The following STK40 variants were observed in gnomAD, a reference collection of about 807,000 sequenced individuals.
STK40 encodes the protein serine/threonine kinase 40.
In STK40, 13 loss-of-function variants were observed where a neutral mutation model predicts 47.9. That is an observed-to-expected ratio of 0.27 (90% CI 0.18 to 0.43). The LOEUF is 0.43. Ranked by LOEUF, STK40 falls within the 20% of genes least tolerant of loss-of-function variation. STK40 has a pLI of 1.00. For missense variants in STK40, 460 were observed against 595.1 expected (o/e 0.77, Z 2.36); for synonymous variants, 225 against 243.2 (o/e 0.93, Z 0.69).
At chr1:36,351,153 G>C (rs538176976) in intron 6 of STK40, among the ~76,000 whole-genome samples, 2 of 152,144 alleles carry the variant, frequency 1.3e-5, no homozygotes, top group African/African-American at 4.8e-5. Flanking sequence ...TATGTTGCTT[G>C]CCTACCAAAA....
At chr1:36,362,097 C>G (rs1646857283) in intron 1 of STK40, among the ~76,000 whole-genome samples, 1 of 152,162 alleles carries the variant, frequency 6.6e-6, no homozygotes, top group Non-Finnish European at 1.5e-5. Flanking sequence ...TCACTGAGCA[C>G]TCTGATTTGC....
At position 36,341,824 on chromosome 1, in the gene STK40, CA is replaced by C; in HGVS notation, c.1238del (p.Leu413ArgfsTer8). The C allele has an allele frequency of 6.2e-7, 1 of 1,613,458 alleles. No homozygotes were observed. Among genetic ancestry groups the C allele is most frequent in the Non-Finnish European group, 8.5e-7 (1 of 1,179,968 alleles). On this transcript the variant is annotated frameshift_variant, in exon 11 of 11. Transcript: ENST00000373132. LOFTEE classifies it high-confidence loss of function. ...AGGTCATGGGCTGTGCGTCGTGGCC[CA>C]GCCGTCGCACCGGTGGTGCGCTGCC... ...QFGSAPPVRR[L>X]GHDAQPMTSL...
chr1:36,380,960 T>C (rs1189956830), intron 1 of STK40, among the ~76,000 whole-genome samples: 1 of 152,082 alleles, frequency 6.6e-6, no homozygotes, highest in Non-Finnish European at 1.5e-5. Context: ...GCCATCCCTA[T>C]CTCTGCACTA....
intron 6 of STK40, among the ~76,000 whole-genome samples, chr1:36,353,952 T>C (rs72901526): frequency 0.036 from 5,488 of 152,286 alleles, 350 homozygotes; most frequent in African/African-American, 0.12. Context: ...TTTGTAGAGA[T>C]GGGGTCTTCA....
chr1:36,357,234 G>C (rs1227860458), intron 4 of STK40, among the ~76,000 whole-genome samples: 2 of 152,212 alleles, frequency 1.3e-5, no homozygotes, highest in East Asian at 3.8e-4. Flanking sequence ...GAGACCTTAA[G>C]TGACTTGCCC....
intron 1 of STK40, among the ~76,000 whole-genome samples, chr1:36,377,633 G>A (rs1647003277): frequency 6.6e-6 from 1 of 151,924 alleles, no homozygotes; most frequent in Non-Finnish European, 1.5e-5. Context: ...AGAGGTGTAA[G>A]CATAAGTGCC....
At chr1:36,356,529 C>T (rs1646806764) in intron 4 of STK40, among the ~76,000 whole-genome samples, 1 of 149,466 alleles carries the variant, frequency 6.7e-6, no homozygotes, top group Non-Finnish European at 1.5e-5. Context: ...AGGTTCATGC[C>T]ATTCTCCTGC....
At chr1:36,381,072 C>T (rs754101093) in intron 1 of STK40, among the ~76,000 whole-genome samples, 14 of 152,124 alleles carry the variant, frequency 9.2e-5, no homozygotes, top group Non-Finnish European at 1.6e-4. Flanking sequence ...CAGTTGATTT[C>T]CCCCCAAACA....
chr1:36,374,790 C>A (rs1302553860), intron 1 of STK40, among the ~76,000 whole-genome samples: 1 of 152,218 alleles, frequency 6.6e-6, no homozygotes, highest in Admixed American at 6.5e-5. Flanking sequence ...GACTGAGTCA[C>A]TGGCAGGTCT....
In STK40 at chr1:36,378,965, C is replaced by T. The variant is rs552826651; in HGVS notation, c.-9+6758G>A. Among the ~76,000 whole-genome samples the T allele has an allele frequency of 2.2e-4, 34 of 152,318 alleles. 2 individuals are homozygous for T. The South Asian group carries it at 6.2e-3, about 28-fold the overall frequency. On this transcript the variant is annotated intron_variant, in intron 1 of 10. Transcript: ENST00000373132. ...AAGCCCCACGGAATGCTGGGCTACA[C>T]CAGGCCCAAGGTCCCCAAGGCGCTG...
chr1:36,372,224 C>A (rs1646954404), intron 1 of STK40, among the ~76,000 whole-genome samples: 1 of 151,750 alleles, frequency 6.6e-6, no homozygotes, highest in African/African-American at 2.4e-5. Flanking sequence ...TGGCTCATGC[C>A]TGTTACCCCA....
At chr1:36,362,814 G>A (rs751197704) in intron 1 of STK40, among the ~76,000 whole-genome samples, 9 of 152,108 alleles carry the variant, frequency 5.9e-5, no homozygotes, top group Non-Finnish European at 1.0e-4. Context: ...CAAACATGTG[G>A]ACCACACTGT....
At position 36,344,276 on chromosome 1, in the gene STK40, C is replaced by T. The variant is rs750493794; in HGVS notation, c.740-12G>A. 1.3e-6 allele frequency: 2 copies of T among 1,580,042 alleles called. No homozygotes were observed. The highest frequency in any genetic ancestry group is 1.7e-6 in the Non-Finnish European group (2 of 1,162,886). On this transcript the variant is annotated splice_polypyrimidine_tract_variant and intron_variant, in intron 7 of 10. Coordinates refer to ENST00000373132, the MANE Select transcript of STK40 (RefSeq NM_001282547.2). ...ACGGTACGGCCGGCCTACGGGCACA[C>T]ACATACCACACTGTCTTCAGGCCAC...
rs573255265 is a variant in STK40, at chr1:36,381,076, C to A, written c.-9+4647G>T. 2.3e-4 allele frequency among the ~76,000 whole-genome samples: 35 copies of A among 152,282 alleles called. No individual in the cohort carries two copies. The South Asian group carries it at 6.2e-3, about 27-fold the overall frequency. On this transcript the variant is annotated intron_variant, in intron 1 of 10. Coordinates refer to ENST00000373132, the MANE Select transcript of STK40 (RefSeq NM_001282547.2). ...CTCCCAGAGTCCAGTTGATTTCCCC[C>A]CAAACAGCTCATCTCTGCTCTTCTT... is the stretch of plus-strand genomic sequence containing the variant.
At chr1:36,369,098 A>G (rs1646924243) in intron 1 of STK40, among the ~76,000 whole-genome samples, 1 of 152,212 alleles carries the variant, frequency 6.6e-6, no homozygotes, top group African/African-American at 2.4e-5. Flanking sequence ...CCAGCCTGGC[A>G]TGAACAGGAA....
At chr1:36,366,848 T>G (rs1051748326) in intron 1 of STK40, among the ~76,000 whole-genome samples, 4 of 151,504 alleles carry the variant, frequency 2.6e-5, no homozygotes, top group African/African-American at 7.3e-5. Context: ...TTTTTTTTTT[T>G]TTTTGAGACA....
At chr1:36,345,989 A>ATTTTTTTTTT (rs1330462605) in intron 7 of STK40, among the ~76,000 whole-genome samples, 11 of 19,580 alleles carry the variant, frequency 5.6e-4, no homozygotes, top group Non-Finnish European at 1.1e-3. Context: ...ATATATATAT[A>ATTTTTTTTTT]TATTTTTTTT....
intron 1 of STK40, among the ~76,000 whole-genome samples, chr1:36,384,955 C>G (rs1299633081): frequency 6.6e-6 from 1 of 152,226 alleles, no homozygotes; most frequent in Non-Finnish European, 1.5e-5. Flanking sequence ...CCTCCAGTGA[C>G]TTAAAACAGA....
chr1:36,366,375 G>T (rs529083136), intron 1 of STK40, among the ~76,000 whole-genome samples: 10 of 152,208 alleles, frequency 6.6e-5, no homozygotes, highest in Non-Finnish European at 1.2e-4. Flanking sequence ...GCTTGTGGGG[G>T]AAGAGGGAGC....
Sources: allele counts gnomAD v4.1 joint callset (sites outside exome capture counted in the v4.1 genomes callset), GRCh38; gene constraint gnomAD v4.1.1; transcripts MANE v1.5; gene names NCBI Gene and HGNC (gene_info 2026-07-23, HGNC 2026-07-21).